The following STK32C variants were observed in gnomAD, a reference collection of about 807,000 sequenced individuals.
The protein encoded by STK32C is serine/threonine kinase 32C.
Under a neutral mutation model 56.5 loss-of-function variants are expected in STK32C, and 31 were observed. The observed-to-expected ratio is 0.55, with a 90% CI of 0.41 to 0.74. STK32C has a LOEUF of 0.74. Ranked by LOEUF, STK32C falls within the 30% of genes least tolerant of loss-of-function variation. STK32C has a pLI of 0.00. For synonymous variants in STK32C, 309 were observed against 289.4 expected (o/e 1.07, Z -0.69); for missense variants, 544 against 676.9 (o/e 0.80, Z 2.18).
At chr10:132,309,719 C>T (rs1395629184), upstream of STK32C, among the ~76,000 whole-genome samples, 3 of 152,146 alleles carry the variant, frequency 2.0e-5, no homozygotes, top group East Asian at 3.9e-4. Flanking sequence ...GGGGAGGTAC[C>T]AAGGCAGGGC....
intron 2 of STK32C, among the ~76,000 whole-genome samples, chr10:132,237,116 C>T (rs991932718): frequency 1.3e-5 from 2 of 152,236 alleles, no homozygotes; most frequent in Non-Finnish European, 2.9e-5. Flanking sequence ...ACCGGAGCTG[C>T]CAGCTGGGTG....
Position 132,225,262 on chromosome 10 carries a change from C to T in STK32C, c.847G>A (p.Val283Met), listed in dbSNP as rs2062846701. The change falls in exon 7 of 12, where the codon GTG (valine) becomes ATG (methionine). Residue 283 changes from valine (V) to methionine (M), a missense_variant. By Grantham distance (21) the Val-to-Met change is conservative. Around this residue, in one of 3 missense-constraint regions of STK32C, gnomAD observed 277 missense variants for 309.3 expected, o/e 0.90. Coordinates refer to ENST00000298630, the MANE Select transcript of STK32C (RefSeq NM_173575.4). ...CCTCGCAGCAGCTCATAGGCCATCA[C>T]CCCCACCGACCACCAGTCCACCTCG... ...SFEVDWWSVGVMAYELLRGWR... is the reference protein window; with the variant it reads ...SFEVDWWSVGMMAYELLRGWR... The T allele has an allele frequency of 6.2e-7, 1 of 1,611,534 alleles. No individual in the cohort carries two copies. The highest frequency in any genetic ancestry group is 1.7e-5 in the Admixed American group (1 of 59,928).
chr10:132,316,713 A>G lies in STK32C; in HGVS notation c.301+14723T>C, dbSNP rs142253544. ...GGATTACAGAATAAGGAGAAAGAGG[A>G]ATTAGAATATTAGAAATGAAGAAAA... On this transcript the variant is annotated intron_variant, in intron 1 of 3. Coordinates refer to the STK32C transcript ENST00000368620. 3.5e-3 allele frequency among the ~76,000 whole-genome samples: 538 copies of G among 152,336 alleles called. 13 individuals are homozygous for G. Among genetic ancestry groups the G allele is most frequent in the Admixed American group, 0.031 (475 of 15,286 alleles).
At chr10:132,239,195 G>A (rs1415896131) in intron 2 of STK32C, among the ~76,000 whole-genome samples, 1 of 152,190 alleles carries the variant, frequency 6.6e-6, no homozygotes, top group Non-Finnish European at 1.5e-5. Flanking sequence ...TGAGGGCTCA[G>A]GACAAGAGCA....
intron 1 of STK32C, among the ~76,000 whole-genome samples, chr10:132,265,157 C>CCGCAAGGGCGG (rs2064464182): frequency 7.1e-6 from 1 of 140,438 alleles, no homozygotes; most frequent in Non-Finnish European, 1.7e-5. Context: ...TCTGGGGGAG[C>CCGCAAGGGCGG]TGCCAGGGCG....
At chr10:132,287,312 G>A (rs2065435246) in intron 1 of STK32C, among the ~76,000 whole-genome samples, 1 of 151,848 alleles carries the variant, frequency 6.6e-6, no homozygotes, top group Non-Finnish European at 1.5e-5. Context: ...CCAACATGGT[G>A]AAACCCCGTC....
intron 1 of STK32C, among the ~76,000 whole-genome samples, chr10:132,259,329 C>A (rs1377865911): frequency 6.6e-6 from 1 of 152,190 alleles, no homozygotes; most frequent in South Asian, 2.1e-4. Flanking sequence ...GGCTCTATGT[C>A]CCCACCCAAA....
upstream of STK32C, among the ~76,000 whole-genome samples, chr10:132,309,820 C>G (rs2066186797): frequency 6.6e-6 from 1 of 152,188 alleles, no homozygotes; most frequent in African/African-American, 2.4e-5. Flanking sequence ...ATCATCGCCT[C>G]TCCTCCTCTC....
chr10:132,292,000 C>T (rs1170650256), intron 1 of STK32C, among the ~76,000 whole-genome samples: 2 of 152,174 alleles, frequency 1.3e-5, no homozygotes, highest in Non-Finnish European at 2.9e-5. Context: ...TCACTTCCCA[C>T]CGTTGCACTG....
rs149556664 is a variant in STK32C at position 132,298,648 on chromosome 10, G to A, written c.262+8924C>T. The stretch of plus-strand genomic sequence containing the variant: ...TGGGGTCACCGGGGAGTTGAGCGCC[G>A]TGTGTGGGGTCACTGGGGGGGAGTT... On this transcript the variant is annotated intron_variant, in intron 1 of 11. Transcript: ENST00000298630. Among the ~76,000 whole-genome samples, 773 of 151,512 alleles carry A rather than the reference G, an allele frequency of 5.1e-3. 4 individuals carry two copies. Among genetic ancestry groups the A allele is most frequent in the African/African-American group, 0.018 (735 of 41,008 alleles).
chr10:132,331,333 AC>A, intron 1 of STK32C: 1 of 1,160,094 alleles, frequency 8.6e-7, no homozygotes. Context: ...ATGAAGGTGC[AC>A]GGGACTCCAG....
chr10:132,226,704 G>A (rs2062904454), intron 4 of STK32C, 91 bp downstream of exon 4: 2 of 1,481,342 alleles, frequency 1.4e-6, no homozygotes, highest in African/African-American at 2.8e-5. Flanking sequence ...CCGCTCTGAG[G>A]GAGTACGGCC....
At chr10:132,291,456 A>G (rs1457026729) in intron 1 of STK32C, among the ~76,000 whole-genome samples, 1 of 152,188 alleles carries the variant, frequency 6.6e-6, no homozygotes, top group Non-Finnish European at 1.5e-5. Flanking sequence ...AAAGAAGTCC[A>G]TGGTCAAGCT....
Position 132,226,779 on chromosome 10 carries a change from T to C in STK32C, c.644+16A>G, listed in dbSNP as rs1565079708. 1 of 1,608,308 alleles carries C rather than the reference T, an allele frequency of 6.2e-7. No homozygotes were observed. Among genetic ancestry groups the C allele is most frequent in the African/African-American group, 1.3e-5 (1 of 74,880 alleles). On this transcript the variant is annotated intron_variant, in intron 4 of 11. Transcript: ENST00000298630. ...CCCACCTCAGCAGGTACCTGCGCCGTCTGCCACGCACACACCTGTGGATGA... is the reference window on the plus strand; with the variant it reads ...CCCACCTCAGCAGGTACCTGCGCCGCCTGCCACGCACACACCTGTGGATGA...
chr10:132,254,966 C>T (rs1249830792), intron 1 of STK32C, among the ~76,000 whole-genome samples: 1 of 152,058 alleles, frequency 6.6e-6, no homozygotes, highest in Non-Finnish European at 1.5e-5. Context: ...GGGACGCTTC[C>T]CTTCACAGCC....
chr10:132,236,494 C>G (rs895812357), intron 2 of STK32C, among the ~76,000 whole-genome samples: 1 of 152,224 alleles, frequency 6.6e-6, no homozygotes, highest in African/African-American at 2.4e-5. Flanking sequence ...GTGGGCCCAG[C>G]GCAGTGGCGA....
downstream of STK32C, among the ~76,000 whole-genome samples, chr10:132,322,264 T>C (rs1401523945): frequency 6.6e-6 from 1 of 152,250 alleles, no homozygotes; most frequent in African/African-American, 2.4e-5. Context: ...TGTATCTCTA[T>C]CTTTTCCCTA....
At chr10:132,276,553 G>A (rs1239341274) in intron 1 of STK32C, among the ~76,000 whole-genome samples, 1 of 152,206 alleles carries the variant, frequency 6.6e-6, no homozygotes, top group Non-Finnish European at 1.5e-5. Context: ...AAGCCAAGGC[G>A]GGAGGACTGC....
intron 2 of STK32C, among the ~76,000 whole-genome samples, chr10:132,240,772 G>A (rs1050530951): frequency 6.6e-6 from 1 of 152,138 alleles, no homozygotes; most frequent in Admixed American, 6.5e-5. Flanking sequence ...CAGCCAGCCA[G>A]GGGGGTTAGA....
Sources: allele counts gnomAD v4.1 joint callset (sites outside exome capture counted in the v4.1 genomes callset), GRCh38; gene constraint gnomAD v4.1.1; regional missense constraint gnomAD v4.1.1; transcripts MANE v1.5; gene names NCBI Gene and HGNC (gene_info 2026-07-23, HGNC 2026-07-21).